THSD1: variants seen among roughly 807,000 people sequenced by gnomAD.
THSD1 encodes the protein thrombospondin type 1 domain containing 1, also known as thrombospondin type-1 domain-containing protein 1.
THSD1 carries 34 observed loss-of-function variants against 46.3 expected under a neutral mutation model. That is an observed-to-expected ratio of 0.74 (90% CI 0.56 to 0.98). THSD1 has a LOEUF of 0.98. Among genes scored for constraint, THSD1 ranks in the 50% least tolerant of loss-of-function variants. THSD1 has a pLI of 0.00. For synonymous variants in THSD1, 407 were observed against 416.5 expected (o/e 0.98, Z 0.28); for missense variants, 1,023 against 1,058.3 (o/e 0.97, Z 0.46).
At chr13:52,381,714 C>G (rs1029442975) in intron 4 of THSD1, among the ~76,000 whole-genome samples, 3 of 152,194 alleles carry the variant, frequency 2.0e-5, no homozygotes, top group African/African-American at 7.2e-5. Flanking sequence ...GCAATTATCT[C>G]CAGCTGCTCC....
In THSD1 at chr13:52,378,676, G is replaced by A. The variant is rs780521206; in HGVS notation, c.1294C>T (p.Leu432Phe). The change falls in exon 5 of 5, where the codon CTC (leucine) becomes TTC (phenylalanine). Residue 432 changes from leucine to phenylalanine, a missense_variant. Leu to Phe is a conservative substitution (Grantham distance 22). Around this residue, in one of 3 missense-constraint regions of THSD1, gnomAD observed 429 missense variants for 518.3 expected, o/e 0.83. Coordinates refer to ENST00000258613, the MANE Select transcript of THSD1 (RefSeq NM_018676.4). ...LCLFIIIATV[L>F]ITLWRRFGRP... ...CCGAACCTCCTCCACAGCGTGATGA[G>A]CACAGTGGCAATGATGATGAACAAG... The A allele has an allele frequency of 1.2e-6, 2 of 1,614,118 alleles. No individual in the cohort carries two copies.
chr13:52,388,193 T>A (rs745439877), intron 3 of THSD1, among the ~76,000 whole-genome samples: 54 of 149,686 alleles, frequency 3.6e-4, no homozygotes, highest in African/African-American at 1.0e-3. Flanking sequence ...AAAAAAAAAA[T>A]ATATATGTAT....
chr13:52,377,902 G>A lies in THSD1; in HGVS notation c.2068C>T (p.Gln690Ter), dbSNP rs1193761719. ...TGAGGCCTAAATCTGTCCTCTGCCT[G>A]CTCGCAGGTCCGCGTCCTAGAGCTG... ...AYSSRTRTCE[Q>*]AEDRFRPQSR... Residue 690 changes from glutamine (Q) to a stop codon, truncating the protein, a stop_gained, in exon 5 of 5, where the codon CAG (glutamine) becomes TAG (stop). Transcript: ENST00000258613. LOFTEE classifies it high-confidence loss of function. 6.2e-7 allele frequency: 1 copy of A among 1,614,170 alleles called. No individual in the cohort carries two copies. Among genetic ancestry groups the A allele is most frequent in the East Asian group, 2.2e-5 (1 of 44,878 alleles).
intron 2 of THSD1, 179 bp from the exon 3 acceptor site, chr13:52,398,373 C>T (rs1001997547): frequency 2.4e-5 from 16 of 679,938 alleles, no homozygotes; most frequent in South Asian, 1.3e-4. Flanking sequence ...TGGGCTCAAG[C>T]GATCTCCCAC....
At chr13:52,386,616 A>G (rs1289604658) in intron 3 of THSD1, among the ~76,000 whole-genome samples, 1 of 152,202 alleles carries the variant, frequency 6.6e-6, no homozygotes, top group Non-Finnish European at 1.5e-5. Flanking sequence ...ATACACAAGC[A>G]GAATTTATAC....
rs1957821791 is a variant in THSD1, at chr13:52,397,624, C to T, written c.629G>A (p.Gly210Glu). The stretch of plus-strand genomic sequence containing the variant: ...CACCACGGTGACATAGGCTTCTGGC[C>T]CCAAGGGTGCACAGCCAAACTCAAC... ...QWVEFGCAPLGPEAYVTVVLK... is the reference protein window; with the variant it reads ...QWVEFGCAPLEPEAYVTVVLK... The change falls in exon 3 of 5, where the codon GGG (glycine) becomes GAG (glutamate). Residue 210 changes from glycine to glutamate, a missense_variant. Gly to Glu is a moderately conservative substitution (Grantham distance 98, BLOSUM62 -2). Around this residue, in one of 3 missense-constraint regions of THSD1, gnomAD observed 429 missense variants for 518.3 expected, o/e 0.83. Coordinates refer to ENST00000258613, the MANE Select transcript of THSD1 (RefSeq NM_018676.4). 1.2e-6 allele frequency: 2 copies of T among 1,614,002 alleles called. No individual in the cohort carries two copies. Among genetic ancestry groups the T allele is most frequent in the Non-Finnish European group, 1.7e-6 (2 of 1,180,008 alleles).
intron 3 of THSD1, 142 bp downstream of exon 3, chr13:52,397,090 G>T: frequency 1.4e-6 from 1 of 727,816 alleles, no homozygotes; most frequent in Non-Finnish European, 2.2e-6. Flanking sequence ...TTTCAGCTAA[G>T]GGTGATAATG....
chr13:52,401,287 T>G (rs1351157348), intron 2 of THSD1, among the ~76,000 whole-genome samples: 1 of 151,180 alleles, frequency 6.6e-6, no homozygotes, highest in Non-Finnish European at 1.5e-5. Flanking sequence ...TAATCGGTTT[T>G]TAAGAAGGGA....
intron 2 of THSD1, 160 bp from the exon 3 acceptor site, chr13:52,398,354 C>T (rs1234142156): frequency 1.3e-6 from 1 of 771,504 alleles, no homozygotes; most frequent in Non-Finnish European, 1.6e-6. Flanking sequence ...CGCTGTACCC[C>T]TAACATCTTG....
Position 52,402,577 on chromosome 13 carries a change from A to G in THSD1, c.24T>C (p.Phe8=). 6.2e-7 allele frequency: 1 copy of G among 1,614,062 alleles called. No homozygotes were observed. The highest frequency in any genetic ancestry group is 8.5e-7 in the Non-Finnish European group (1 of 1,179,950). Residue 8 remains phenylalanine (F), a synonymous_variant, in exon 2 of 5, where the codon TTT becomes TTC. Coordinates refer to ENST00000258613, the MANE Select transcript of THSD1 (RefSeq NM_018676.4). ...AGAGTACCACCAACAATAGATTTGAAAAGTCTTTCAACATTGGTTTCATTC... is the reference window on the plus strand; with the variant it reads ...AGAGTACCACCAACAATAGATTTGAGAAGTCTTTCAACATTGGTTTCATTC... MKPMLKD[F]SNLLLVVLCD... is the part of the protein sequence containing the mutation.
At position 52,382,819 on chromosome 13, in the gene THSD1, G is replaced by A. The variant is rs575660692; in HGVS notation, c.1180+3209C>T. Among the ~76,000 whole-genome samples the A allele has an allele frequency of 5.9e-4, 89 of 151,994 alleles. No individual in the cohort carries two copies. The South Asian group carries it at 0.019, about 32-fold the overall frequency. ...AGTTCGAGACCAGCCTGGCCAACAT[G>A]GTGAAGCCTCGTCTCTACTAAAAAT... is the stretch of plus-strand genomic sequence containing the variant. On this transcript the variant is annotated intron_variant, in intron 4 of 4. Coordinates refer to ENST00000258613, the MANE Select transcript of THSD1 (RefSeq NM_018676.4).
Position 52,377,431 on chromosome 13 carries a change from C to T in THSD1, c.2539G>A (p.Val847Met), listed in dbSNP as rs571090286. 40 of 1,543,116 alleles carry T rather than the reference C, an allele frequency of 2.6e-5. No homozygotes were observed. The East Asian group carries it at 8.0e-4, about 31-fold the overall frequency. The change falls in exon 5 of 5, where the codon GTG becomes ATG. Residue 847 changes from valine to methionine, a missense_variant. Physicochemically the swap from Val to Met is conservative, Grantham distance 21. This residue lies in a region of THSD1 where 16 missense variants were observed against 42.6 expected (regional missense o/e 0.38). Transcript: ENST00000258613. ...EEDETTSTLS[V>M]EKLVI ...TCAGTCTAGATCACCAGCTTCTCCA[C>T]GCTAAGTGTACTTGTGGTTTCATCC...
intron 4 of THSD1, among the ~76,000 whole-genome samples, chr13:52,381,664 T>G (rs900692088): frequency 3.9e-5 from 6 of 152,198 alleles, no homozygotes; most frequent in African/African-American, 1.2e-4. Context: ...AAGCAAATGC[T>G]TTCTAGGACT....
chr13:52,391,342 C>T (rs1234490154), intron 3 of THSD1, among the ~76,000 whole-genome samples: 3 of 151,442 alleles, frequency 2.0e-5, no homozygotes, highest in Admixed American at 6.6e-5. Flanking sequence ...CTCAGCCTCC[C>T]GAGTAGCTGG....
intron 3 of THSD1, among the ~76,000 whole-genome samples, chr13:52,386,518 A>C (rs1424731008): frequency 2.0e-5 from 3 of 152,238 alleles, no homozygotes; most frequent in Non-Finnish European, 4.4e-5. Flanking sequence ...GGCTGCATAC[A>C]AGGTGGTAAG....
intron 3 of THSD1, among the ~76,000 whole-genome samples, chr13:52,395,719 G>A (rs1476108245): frequency 1.3e-5 from 2 of 152,178 alleles, no homozygotes; most frequent in African/African-American, 4.8e-5. Flanking sequence ...CGAGTGTGGT[G>A]TCACAGAATC....
chr13:52,379,563 C>T (rs1957675350), intron 4 of THSD1, among the ~76,000 whole-genome samples: 2 of 152,126 alleles, frequency 1.3e-5, no homozygotes. Context: ...CAACTTCCGC[C>T]TCCACGGTTC....
intron 1 of THSD1, among the ~76,000 whole-genome samples, chr13:52,405,201 AGTT>A (rs1010530820): frequency 1.1e-4 from 17 of 152,212 alleles, no homozygotes; most frequent in Non-Finnish European, 2.4e-4. Flanking sequence ...GGTGGGGAAA[AGTT>A]GTGAATATTC....
At chr13:52,399,437 C>A (rs1957836160) in intron 2 of THSD1, among the ~76,000 whole-genome samples, 2 of 152,076 alleles carry the variant, frequency 1.3e-5, no homozygotes, top group Non-Finnish European at 2.9e-5. Flanking sequence ...ATTTATTATT[C>A]TTATTATATA....
Sources: allele counts gnomAD v4.1 joint callset (sites outside exome capture counted in the v4.1 genomes callset), GRCh38; gene constraint gnomAD v4.1.1; regional missense constraint gnomAD v4.1.1; transcripts MANE v1.5; gene names NCBI Gene and HGNC (gene_info 2026-07-23, HGNC 2026-07-21).